The following PPARGC1B variants were observed in gnomAD, a reference collection of about 807,000 sequenced individuals.
The protein encoded by PPARGC1B is peroxisome proliferator-activated receptor gamma coactivator 1-beta.
A neutral mutation model predicts 101.6 loss-of-function variants in PPARGC1B; 34 were observed. The observed-to-expected ratio is 0.33, with a 90% confidence interval of 0.25 to 0.45. The LOEUF is 0.45. PPARGC1B is among the 20% of genes least tolerant of loss of function. The probability of loss-of-function intolerance (pLI) is 1.00; values close to 1 mark genes in which losing one functional copy is unlikely to be tolerated. For missense variants in PPARGC1B, 1,234 were observed against 1,317.6 expected, an observed-to-expected ratio of 0.94 and a Z score of 0.98; for synonymous variants, 548 against 539.3, an observed-to-expected ratio of 1.02 and a Z score of -0.22.
intron 11 of PPARGC1B, chr5:149,846,268 TG>T (rs1411287531): frequency 4.2e-6 from 2 of 472,082 alleles, no homozygotes; most frequent in East Asian, 6.6e-5. Flanking sequence ...GGGCATTCCG[TG>T]GTGACCCCAG....
chr5:149,734,531 T>C (rs1012882795), intron 1 of PPARGC1B, among the ~76,000 whole-genome samples: 1 of 152,130 alleles, frequency 6.6e-6, no homozygotes, highest in African/African-American at 2.4e-5. Flanking sequence ...AATTAATCCT[T>C]TATCGTTACT....
intron 1 of PPARGC1B, among the ~76,000 whole-genome samples, chr5:149,803,283 G>C (rs1757491683): frequency 6.6e-6 from 1 of 152,188 alleles, no homozygotes; most frequent in African/African-American, 2.4e-5. Context: ...TGAGATTCTA[G>C]TCCTGGTCCT....
At chr5:149,829,112 G>A (rs923672023) in intron 3 of PPARGC1B, among the ~76,000 whole-genome samples, 2 of 152,078 alleles carry the variant, frequency 1.3e-5, no homozygotes, top group African/African-American at 4.8e-5. Flanking sequence ...CCTCAGGTTG[G>A]GCCATGGATC....
intron 1 of PPARGC1B, among the ~76,000 whole-genome samples, chr5:149,767,739 C>T (rs956273674): frequency 6.6e-6 from 1 of 151,824 alleles, no homozygotes; most frequent in African/African-American, 2.4e-5. Context: ...CTCCACTCCT[C>T]TGGAACTCTC....
chr5:149,820,679 G>T (rs1758258335), intron 2 of PPARGC1B, 73 bp downstream of exon 2: 1 of 1,443,192 alleles, frequency 6.9e-7, no homozygotes, highest in African/African-American at 1.4e-5. Flanking sequence ...GCTCTGCCCT[G>T]CTCTGCCTTC....
intron 1 of PPARGC1B, among the ~76,000 whole-genome samples, chr5:149,758,047 T>C (rs1755599104): frequency 6.6e-6 from 1 of 152,234 alleles, no homozygotes; most frequent in South Asian, 2.1e-4. Context: ...CTTGCCCTTA[T>C]TCCATAACCC....
At chr5:149,778,012 CA>C (rs1171750104) in intron 1 of PPARGC1B, among the ~76,000 whole-genome samples, 1 of 67,698 alleles carries the variant, frequency 1.5e-5, no homozygotes, top group Non-Finnish European at 2.8e-5. Flanking sequence ...TTCCCCCCCC[CA>C]CAGACACACA....
At chr5:149,811,947 G>A (rs188320039) in intron 1 of PPARGC1B, among the ~76,000 whole-genome samples, 1 of 152,328 alleles carries the variant, frequency 6.6e-6, no homozygotes, top group East Asian at 1.9e-4. Flanking sequence ...TCTGAGCACT[G>A]GACCCCATCT....
intron 1 of PPARGC1B, among the ~76,000 whole-genome samples, chr5:149,743,806 A>T (rs576208237): frequency 6.6e-6 from 1 of 152,306 alleles, no homozygotes; most frequent in South Asian, 2.1e-4. Context: ...AGCCTCCAGA[A>T]CCCACTATCA....
intron 1 of PPARGC1B, among the ~76,000 whole-genome samples, chr5:149,749,586 C>T (rs535634376): frequency 6.6e-6 from 1 of 152,260 alleles, no homozygotes; most frequent in East Asian, 1.9e-4. Context: ...TGTGAAACGC[C>T]CCCAGAAAAC....
intron 1 of PPARGC1B, among the ~76,000 whole-genome samples, chr5:149,750,838 G>A (rs1197920259): frequency 6.6e-6 from 1 of 152,210 alleles, no homozygotes; most frequent in Admixed American, 6.5e-5. Flanking sequence ...GTCCAAGTAC[G>A]CACGATGGGT....
intron 1 of PPARGC1B, among the ~76,000 whole-genome samples, chr5:149,747,966 G>T (rs1278747013): frequency 6.6e-6 from 1 of 152,120 alleles, no homozygotes; most frequent in African/African-American, 2.4e-5. Context: ...GTTGAGGAGT[G>T]GGTGAGGAGC....
intron 1 of PPARGC1B, among the ~76,000 whole-genome samples, chr5:149,819,406 G>T (rs1381117679): frequency 6.6e-6 from 1 of 152,110 alleles, no homozygotes; most frequent in African/African-American, 2.4e-5. Context: ...TATTTAATGT[G>T]TCTTGGAGAA....
intron 2 of PPARGC1B, among the ~76,000 whole-genome samples, chr5:149,825,630 C>G (rs527464333): frequency 6.6e-6 from 1 of 152,238 alleles, no homozygotes. Context: ...GCCTTTCTCA[C>G]GCTCTGAAAT....
rs778966707 is a variant in PPARGC1B, at chr5:149,835,316, C to G, written c.1758C>G (p.Gly586=). Residue 586 remains glycine, a synonymous_variant, in exon 7 of 12, where the codon GGC becomes GGG. Transcript: ENST00000309241. The part of the protein sequence containing the change: ...LALSQSDPTF[G]KKSFEQTLTV... ...CCTCCACCAGCGACCCAACTTTTGG[C>G]AAGAAGAGCTTTGAGCAGACCTTGA... is the stretch of plus-strand genomic sequence containing the variant. 1 of 1,614,162 alleles carries G rather than the reference C, an allele frequency of 6.2e-7. No individual in the cohort carries two copies. Among genetic ancestry groups the G allele is most frequent in the Non-Finnish European group, 8.5e-7 (1 of 1,180,016 alleles).
chr5:149,834,965 A>C (rs905682986), intron 6 of PPARGC1B, among the ~76,000 whole-genome samples: 12 of 152,220 alleles, frequency 7.9e-5, no homozygotes, highest in Non-Finnish European at 1.3e-4. Flanking sequence ...CCCTGAAAAG[A>C]GTTCTTTTCT....
chr5:149,793,481 G>A (rs1757097032), intron 1 of PPARGC1B, among the ~76,000 whole-genome samples: 1 of 152,142 alleles, frequency 6.6e-6, no homozygotes, highest in Non-Finnish European at 1.5e-5. Context: ...GTGGGGAGGT[G>A]CATCACACCC....
chr5:149,734,529 C>T (rs1754625815), intron 1 of PPARGC1B, among the ~76,000 whole-genome samples: 1 of 151,290 alleles, frequency 6.6e-6, no homozygotes, highest in African/African-American at 2.4e-5. Context: ...TTAATTAATC[C>T]TTTATCGTTA....
intron 1 of PPARGC1B, among the ~76,000 whole-genome samples, chr5:149,741,004 T>C (rs1282320908): frequency 6.6e-6 from 1 of 152,144 alleles, no homozygotes; most frequent in Non-Finnish European, 1.5e-5. Flanking sequence ...TTCAGGTCAC[T>C]CAGCAGAGGC....
Sources: gnomAD v4.1 joint callset for allele counts (sites outside exome capture counted in the v4.1 genomes callset) on GRCh38, gnomAD v4.1.1 for gene constraint, MANE v1.5 for transcripts, NCBI Gene and HGNC (gene_info 2026-07-23, HGNC 2026-07-21) for gene names.